The following GALNTL5 variants were observed in gnomAD, a reference collection of about 807,000 sequenced individuals.
The protein encoded by GALNTL5 is inactive polypeptide N-acetylgalactosaminyltransferase-like protein 5.
In GALNTL5, 44 loss-of-function variants were observed where a neutral mutation model predicts 51.0. The observed-to-expected ratio is 0.86, with a 90% CI of 0.68 to 1.11. GALNTL5 has a LOEUF of 1.11. Among genes scored for constraint, GALNTL5 ranks in the 50% least tolerant of loss-of-function variants. GALNTL5 has a pLI of 0.00. For synonymous variants in GALNTL5, 192 were observed against 182.8 expected (o/e 1.05, Z -0.41); for missense variants, 528 against 531.8 (o/e 0.99, Z 0.07).
At chr7:151,974,824 G>A (rs1025611484) in intron 3 of GALNTL5, among the ~76,000 whole-genome samples, 3 of 152,082 alleles carry the variant, frequency 2.0e-5, no homozygotes, top group African/African-American at 7.2e-5. Flanking sequence ...CATGATTACT[G>A]TTCAGAAAAA....
chr7:151,970,202 AGGGGCGGG>A (rs2081117444), intron 2 of GALNTL5, among the ~76,000 whole-genome samples: 1 of 109,294 alleles, frequency 9.1e-6, no homozygotes, highest in Non-Finnish European at 2.0e-5. Flanking sequence ...GAAAGCAGGA[AGGGGCGGG>A]GGGTGGGGGT....
intron 3 of GALNTL5, among the ~76,000 whole-genome samples, chr7:151,976,692 G>GGA (rs1231519619): frequency 7.9e-5 from 12 of 151,830 alleles, no homozygotes; most frequent in Admixed American, 7.2e-4. Context: ...TTTTTGAGAT[G>GGA]GAATCTCGCT....
At chr7:152,008,134 C>A (rs1001349854) in intron 7 of GALNTL5, among the ~76,000 whole-genome samples, 190 bp downstream of exon 7, 1 of 151,968 alleles carries the variant, frequency 6.6e-6, no homozygotes. Flanking sequence ...AGATTCTTGG[C>A]CTGGTGTGGT....
intron 5 of GALNTL5, among the ~76,000 whole-genome samples, chr7:151,989,296 G>A (rs2081398261): frequency 6.6e-6 from 1 of 151,586 alleles, no homozygotes. Context: ...GATTATAGGT[G>A]GGCGCCACCA....
chr7:152,005,074 C>T (rs11770440), intron 6 of GALNTL5, among the ~76,000 whole-genome samples: 52,456 of 152,120 alleles, frequency 0.34, 9,470 homozygotes, highest in Non-Finnish European at 0.4. Context: ...CCTACCAACA[C>T]TGTGCAAGCG....
At chr7:152,007,544 G>A (rs955152252) in intron 6 of GALNTL5, among the ~76,000 whole-genome samples, 7 of 148,876 alleles carry the variant, frequency 4.7e-5, no homozygotes, top group African/African-American at 7.4e-5. Context: ...TCAGCCTCCC[G>A]AGTAGCTGGG....
At chr7:151,989,368 G>A (rs992899321) in intron 5 of GALNTL5, among the ~76,000 whole-genome samples, 3 of 150,406 alleles carry the variant, frequency 2.0e-5, no homozygotes, top group Admixed American at 1.3e-4. Flanking sequence ...GGCCAAACTG[G>A]TCTCTAACTC....
At chr7:151,987,062 A>C in intron 4 of GALNTL5, 97 bp from the exon 5 acceptor site, 3 of 1,060,726 alleles carry the variant, frequency 2.8e-6, no homozygotes, top group Non-Finnish European at 2.6e-6. Flanking sequence ...CTTCTGTGGA[A>C]TAGCATGGAT....
chr7:151,959,916 T>C (rs1291707922), intron 1 of GALNTL5, among the ~76,000 whole-genome samples: 1 of 152,166 alleles, frequency 6.6e-6, no homozygotes, highest in Non-Finnish European at 1.5e-5. Flanking sequence ...TCCAGGTCTC[T>C]GGCGTGTCTC....
In GALNTL5 at chr7:152,015,421, G is replaced by A. The variant is rs185490016; in HGVS notation, c.1176+628G>A. Among the ~76,000 whole-genome samples, 1,460 of 148,568 alleles carry A rather than the reference G, an allele frequency of 9.8e-3. 9 individuals carry two copies. Among genetic ancestry groups the A allele is most frequent in the Non-Finnish European group, 0.015 (1,014 of 67,468 alleles). On this transcript the variant is annotated intron_variant, in intron 8 of 8. Transcript: ENST00000392800. The stretch of plus-strand genomic sequence containing the variant: ...GTCGCCCAGGCTGGAGTGCAGTGGC[G>A]CGATCTCAGCTCACTGCAACCTCTG...
chr7:151,992,346 T>C (rs2081437918), intron 5 of GALNTL5, among the ~76,000 whole-genome samples: 1 of 152,192 alleles, frequency 6.6e-6, no homozygotes, highest in Non-Finnish European at 1.5e-5. Context: ...CACAAACAGG[T>C]GGCTTAAAAC....
At position 151,983,012 on chromosome 7, in the gene GALNTL5, G is replaced by A. The variant is rs372699787; in HGVS notation, c.395G>A (p.Arg132His). 121 of 1,613,954 alleles carry A rather than the reference G, an allele frequency of 7.5e-5. No individual in the cohort carries two copies. The highest frequency in any genetic ancestry group is 3.3e-4 in the Middle Eastern group (2 of 6,084). ...KMCLQKHYPA[R>H]LPTASIVICF... ...TGTCTTCAAAAACATTACCCAGCCC[G>A]CCTCCCGACTGCCAGCATTGTCATT... The change falls in exon 4 of 9, where the codon CGC becomes CAC. Residue 132 changes from arginine (R) to histidine (H), a missense_variant. Transcript: ENST00000392800.
At chr7:152,003,529 G>A (rs778953701) in intron 6 of GALNTL5, among the ~76,000 whole-genome samples, 2 of 152,168 alleles carry the variant, frequency 1.3e-5, no homozygotes, top group Admixed American at 6.5e-5. Context: ...TCGTTGAGGG[G>A]ATTAAATGAG....
chr7:152,007,889 A>G lies in GALNTL5; in HGVS notation c.971A>G (p.Gln324Arg). The G allele has an allele frequency of 3.1e-6, 5 of 1,613,024 alleles. No individual in the cohort carries two copies. The highest frequency in any genetic ancestry group is 4.2e-6 in the Non-Finnish European group (5 of 1,179,304). The change falls in exon 7 of 9, where the codon CAG becomes CGG. Residue 324 changes from glutamine to arginine, a missense_variant. Physicochemically the swap from Gln to Arg is conservative, Grantham distance 43. Coordinates refer to ENST00000392800, the MANE Select transcript of GALNTL5 (RefSeq NM_145292.4). ...IRRHYFNEIG[Q>R]YDKDMDFWGR... ...CGGCATTATTTTAATGAAATTGGACAGTATGACAAGGATATGGATTTTTGG... is the reference window on the plus strand; with the variant it reads ...CGGCATTATTTTAATGAAATTGGACGGTATGACAAGGATATGGATTTTTGG...
At chr7:151,973,187 T>C (rs1486017096) in intron 3 of GALNTL5, among the ~76,000 whole-genome samples, 1 of 151,812 alleles carries the variant, frequency 6.6e-6, no homozygotes, top group African/African-American at 2.4e-5. Context: ...CCAGGCACTG[T>C]GGCTCAAGCC....
chr7:151,988,497 A>C (rs1371070270), intron 5 of GALNTL5, among the ~76,000 whole-genome samples: 1 of 152,158 alleles, frequency 6.6e-6, no homozygotes, highest in Non-Finnish European at 1.5e-5. Flanking sequence ...CAAAAGAAAA[A>C]AAACAAAATT....
intron 1 of GALNTL5, among the ~76,000 whole-genome samples, chr7:151,961,740 G>C (rs1312836250): frequency 6.6e-6 from 1 of 152,184 alleles, no homozygotes; most frequent in Admixed American, 6.5e-5. Context: ...GAAAGGGGCA[G>C]GGTCCAGGGG....
At chr7:151,995,348 A>ATTTTTTTTTTTTTTTT (rs71198750) in intron 5 of GALNTL5, 4 of 71,178 alleles carry the variant, frequency 5.6e-5, no homozygotes, top group African/African-American at 9.6e-5. Flanking sequence ...GTTGGTATGA[A>ATTTTTTTTTTTTTTTT]TTTTTTTTTT....
Position 152,019,776 on chromosome 7 carries a change from T to C in GALNTL5, c.1307T>C (p.Leu436Ser), listed in dbSNP as rs775121213. Residue 436 changes from leucine to serine, a missense_variant, in exon 9 of 9, where the codon TTG (leucine) becomes TCG (serine). Coordinates refer to ENST00000392800, the MANE Select transcript of GALNTL5 (RefSeq NM_145292.4). The part of the protein sequence containing the change: ...QWYLDNVFPE[L>S]EASVNSL ...TATTTGGATAATGTCTTCCCAGAGT[T>C]GGAGGCATCTGTGAACAGCCTGTGA... 9 of 1,613,144 alleles carry C rather than the reference T, an allele frequency of 5.6e-6. No individual in the cohort carries two copies. In the Admixed American group the frequency reaches 1.3e-4, roughly 24 times the overall value.
Sources: allele counts gnomAD v4.1 joint callset (sites outside exome capture counted in the v4.1 genomes callset), GRCh38; gene constraint gnomAD v4.1.1; transcripts MANE v1.5; gene names NCBI Gene and HGNC (gene_info 2026-07-23, HGNC 2026-07-21).